TBC1D1: variants seen among roughly 807,000 people sequenced by gnomAD.
The protein encoded by TBC1D1 is TBC1 domain family member 1, also known as TBC1 (tre-2/USP6, BUB2, cdc16) domain family, member 1.
A neutral mutation model predicts 125.6 loss-of-function variants in TBC1D1; 89 were observed. That is an observed-to-expected ratio of 0.71 (90% CI 0.60 to 0.85). The LOEUF (loss-of-function observed/expected upper bound fraction) is 0.85, where lower values mean the gene tolerates loss of function less well. Among genes scored for constraint, TBC1D1 ranks in the 40% least tolerant of loss-of-function variants. TBC1D1 has a pLI of 0.00. For synonymous variants in TBC1D1, 565 were observed against 564.1 expected, an observed-to-expected ratio of 1.00 and a Z score of -0.02; for missense variants, 1,377 against 1,469.2, an observed-to-expected ratio of 0.94 and a Z score of 1.03.
chr4:38,132,596 C>T (rs1046021848), intron 18 of TBC1D1: 1 of 165,800 alleles, frequency 6.0e-6, no homozygotes, highest in Non-Finnish European at 1.5e-5. Flanking sequence ...AGTAAACAGT[C>T]CCATTACTTA....
chr4:38,121,568 G>A (rs188162680), intron 17 of TBC1D1, among the ~76,000 whole-genome samples: 55 of 152,322 alleles, frequency 3.6e-4, no homozygotes, highest in African/African-American at 1.3e-3. Context: ...CTGAAAGGAC[G>A]TGGGCTACAG....
At chr4:38,033,672 G>C (rs1746646914) in intron 7 of TBC1D1, among the ~76,000 whole-genome samples, 1 of 152,116 alleles carries the variant, frequency 6.6e-6, no homozygotes, top group Non-Finnish European at 1.5e-5. Context: ...ATACAGAATA[G>C]TTTCACTGCC....
At chr4:38,088,591 T>C (rs145364914) in intron 12 of TBC1D1, among the ~76,000 whole-genome samples, 2 of 152,286 alleles carry the variant, frequency 1.3e-5, no homozygotes, top group African/African-American at 4.8e-5. Flanking sequence ...AGCTGAAATT[T>C]TGATTTCTTT....
At chr4:37,946,449 T>A (rs1726713319) in intron 2 of TBC1D1, among the ~76,000 whole-genome samples, 1 of 152,250 alleles carries the variant, frequency 6.6e-6, no homozygotes, top group Admixed American at 6.5e-5. Context: ...CTCCCATAAA[T>A]ATGTACACTT....
intron 12 of TBC1D1, among the ~76,000 whole-genome samples, chr4:38,081,580 G>A (rs1349424336): frequency 6.6e-6 from 1 of 152,152 alleles, no homozygotes; most frequent in Non-Finnish European, 1.5e-5. Context: ...TTGCGAAGAA[G>A]TCTAAGCAAC....
chr4:37,906,154 T>C lies in TBC1D1; in HGVS notation c.417+3642T>C, dbSNP rs374721006. ...ATTGTCTCGTCCCTTCTTTTTCTTTTCCCCCCCGCTTGAGACACAGTCTTG... is the reference window on the plus strand; with the variant it reads ...ATTGTCTCGTCCCTTCTTTTTCTTTCCCCCCCCGCTTGAGACACAGTCTTG... On this transcript the variant is annotated intron_variant, in intron 2 of 19. Coordinates refer to ENST00000261439, the MANE Select transcript of TBC1D1 (RefSeq NM_015173.4). 4.5e-3 allele frequency among the ~76,000 whole-genome samples: 688 copies of C among 151,800 alleles called. 6 individuals carry two copies. Among genetic ancestry groups the C allele is most frequent in the African/African-American group, 0.015 (639 of 41,248 alleles).
intron 3 of TBC1D1, among the ~76,000 whole-genome samples, chr4:38,016,958 C>A (rs1025643739): frequency 4.6e-5 from 7 of 152,078 alleles, no homozygotes; most frequent in African/African-American, 9.7e-5. Context: ...TTGTAGTAGT[C>A]CAGGTGAGAG....
intron 11 of TBC1D1, among the ~76,000 whole-genome samples, chr4:38,050,441 C>G (rs185284692): frequency 3.0e-3 from 454 of 152,278 alleles, no homozygotes; most frequent in African/African-American, 0.01. Context: ...TGTAAGAATT[C>G]TAGATTCTTC....
chr4:37,956,634 T>A (rs1274366443), intron 2 of TBC1D1, among the ~76,000 whole-genome samples: 3 of 152,182 alleles, frequency 2.0e-5, no homozygotes, highest in African/African-American at 7.2e-5. Context: ...CGCCAACTAA[T>A]GTTAGTATTA....
intron 2 of TBC1D1, among the ~76,000 whole-genome samples, chr4:37,993,324 G>C (rs1400315414): frequency 6.6e-6 from 1 of 152,138 alleles, no homozygotes. Flanking sequence ...CTAAAGGAGA[G>C]AATTACATTA....
In TBC1D1 at chr4:38,115,800, T is replaced by C. The variant is rs755321000; in HGVS notation, c.2648T>C (p.Leu883Pro). Residue 883 changes from leucine to proline, a missense_variant, in exon 16 of 20, where the codon CTA becomes CCA. Physicochemically the swap from Leu to Pro is moderately conservative, Grantham distance 98. This residue lies in a region of TBC1D1 where 543 missense variants were observed against 613.5 expected (regional missense o/e 0.89). Transcript: ENST00000261439. ...AACATTTTGAAGGCCTACTCACTTC[T>C]AGACCAGGAAGTGGGATATTGCCAA... is the stretch of plus-strand genomic sequence containing the variant. The C allele has an allele frequency of 1.2e-6, 2 of 1,614,094 alleles. No individual in the cohort carries two copies. The highest frequency in any genetic ancestry group is 1.7e-6 in the Non-Finnish European group (2 of 1,180,040).
chr4:38,053,076 C>G, intron 11 of TBC1D1, 30 bp from the exon 13 acceptor site: 1 of 1,371,706 alleles, frequency 7.3e-7, no homozygotes. Flanking sequence ...GTTTCTTTAT[C>G]CTAAACTCTT....
At position 38,118,180 on chromosome 4, in the gene TBC1D1, G is replaced by T; in HGVS notation, c.2950G>T (p.Ala984Ser). Reference sequence around the variant, plus strand: ...CTCACAGTTCCCGCTGGGATTCGTAGCCAGAGTCTTTGGTGAGCATTAGTA... The same window carrying T: ...CTCACAGTTCCCGCTGGGATTCGTATCCAGAGTCTTTGGTGAGCATTAGTA... Residue 984 changes from alanine to serine, a missense_variant, in exon 17 of 20, where the codon GCC (alanine) becomes TCC (serine). Ala to Ser is a moderately conservative substitution (Grantham distance 99). Transcript: ENST00000261439. 6.2e-7 allele frequency: 1 copy of T among 1,614,208 alleles called. No individual in the cohort carries two copies. The highest frequency in any genetic ancestry group is 2.2e-5 in the East Asian group (1 of 44,880).
chr4:37,944,107 C>T (rs902547294), intron 2 of TBC1D1, among the ~76,000 whole-genome samples: 3 of 152,196 alleles, frequency 2.0e-5, no homozygotes, highest in East Asian at 1.9e-4. Flanking sequence ...CCACTCCAGA[C>T]CTTGTTTGCC....
intron 12 of TBC1D1, among the ~76,000 whole-genome samples, chr4:38,070,187 C>A (rs147298518): frequency 1.3e-3 from 196 of 152,326 alleles, no homozygotes; most frequent in Non-Finnish European, 2.3e-3. Flanking sequence ...TGAAATTGTA[C>A]ATGAGTGAGT....
At chr4:37,927,854 T>C (rs1401107976) in intron 2 of TBC1D1, among the ~76,000 whole-genome samples, 2 of 152,200 alleles carry the variant, frequency 1.3e-5, no homozygotes, top group Non-Finnish European at 2.9e-5. Context: ...CTACAGTTAG[T>C]TGTGCCTGTG....
intron 2 of TBC1D1, among the ~76,000 whole-genome samples, chr4:37,986,766 T>C (rs570979034): frequency 3.4e-4 from 52 of 151,990 alleles, no homozygotes; most frequent in African/African-American, 1.3e-3. Flanking sequence ...ATGAGTGTAT[T>C]CTTGCAAATT....
intron 2 of TBC1D1, among the ~76,000 whole-genome samples, chr4:37,948,366 C>A (rs1278943046): frequency 1.3e-5 from 2 of 152,216 alleles, no homozygotes; most frequent in Non-Finnish European, 2.9e-5. Context: ...GTGGCTCACG[C>A]CTGTTAATTC....
At chr4:38,105,641 C>A (rs1413732952) in intron 15 of TBC1D1, among the ~76,000 whole-genome samples, 1 of 152,106 alleles carries the variant, frequency 6.6e-6, no homozygotes, top group Admixed American at 6.5e-5. Context: ...ATCTTTATGT[C>A]CATGTGTACC....
Sources: gnomAD v4.1 joint callset for allele counts (sites outside exome capture counted in the v4.1 genomes callset) on GRCh38, gnomAD v4.1.1 for gene constraint, gnomAD v4.1.1 regional missense constraint, MANE v1.5 for transcripts, NCBI Gene and HGNC (gene_info 2026-07-23, HGNC 2026-07-21) for gene names.